FAM76B: variants seen among roughly 807,000 people sequenced by gnomAD.
FAM76B encodes the protein family with sequence similarity 76 member B.
A neutral mutation model predicts 51.8 loss-of-function variants in FAM76B; 16 were observed. That is an observed-to-expected ratio of 0.31 (90% CI 0.21 to 0.47). The LOEUF (loss-of-function observed/expected upper bound fraction) is 0.47. Among genes scored for constraint, FAM76B ranks in the 20% least tolerant of loss-of-function variants. The pLI, the probability that FAM76B is intolerant of heterozygous loss-of-function variation, is 1.00. For synonymous variants in FAM76B, 166 were observed against 129.5 expected (o/e 1.28, Z -1.91); for missense variants, 342 against 392.6 (o/e 0.87, Z 1.09).
Position 95,778,806 on chromosome 11 carries a change from T to C in FAM76B, c.828+16A>G, listed in dbSNP as rs1860123698. On this transcript the variant is annotated intron_variant, in intron 8 of 9. Coordinates refer to ENST00000358780, the MANE Select transcript of FAM76B (RefSeq NM_144664.5). The stretch of plus-strand genomic sequence containing the variant: ...ACACATAACTCTTACCAGGCTTCAA[T>C]GAACCATGTTCTTACCTTTTTATCT... 1 of 1,582,042 alleles carries C rather than the reference T, an allele frequency of 6.3e-7. No individual in the cohort carries two copies. The highest frequency in any genetic ancestry group is 8.6e-7 in the Non-Finnish European group (1 of 1,168,940).
intron 9 of FAM76B, among the ~76,000 whole-genome samples, chr11:95,775,080 T>C (rs1859936856): frequency 6.6e-6 from 1 of 151,350 alleles, no homozygotes; most frequent in African/African-American, 2.4e-5. Context: ...GTCTGACGTC[T>C]GTGTGCTGCC....
rs913827693 is a variant in FAM76B, at chr11:95,769,174, G to C, written c.*2387C>G. On this transcript the variant is annotated 3_prime_UTR_variant, in exon 10 of 10. Transcript: ENST00000358780. ...ACTTGAGTCAAAATGACCCTTACTGGTAAATGCTAATTAATAGTGGAAAAC... is the reference window on the plus strand; with the variant it reads ...ACTTGAGTCAAAATGACCCTTACTGCTAAATGCTAATTAATAGTGGAAAAC... The C allele has an allele frequency of 1.6e-4, 24 of 152,344 alleles. No homozygotes were observed. Among genetic ancestry groups the C allele is most frequent in the African/African-American group, 5.8e-4 (24 of 41,474 alleles). The allele number at this position is 152,344 out of a possible 1,614,324, so 9.4% of individuals were successfully genotyped here.
chr11:95,781,960 C>A (rs1221015732), intron 5 of FAM76B, among the ~76,000 whole-genome samples: 1 of 152,040 alleles, frequency 6.6e-6, no homozygotes, highest in Non-Finnish European at 1.5e-5. Context: ...TGCATGTGTT[C>A]CAAAATGAGG....
chr11:95,785,317 T>C (rs1312067664), intron 4 of FAM76B, among the ~76,000 whole-genome samples: 1 of 152,220 alleles, frequency 6.6e-6, no homozygotes, highest in Non-Finnish European at 1.5e-5. Flanking sequence ...ATGGATAAGG[T>C]GGGTACTACC....
chr11:95,783,219 T>G lies in FAM76B; in HGVS notation c.409A>C (p.Arg137=), dbSNP rs780720176. The stretch of plus-strand genomic sequence containing the variant: ...TGTTCTTTCGTCTTCTGTAAAACTC[T>G]TTTGTACGATAAAGTACAGAGCCAG... ...LCWLCTLSYK[R]VLQKTKEQRK... Residue 137 remains arginine, a synonymous_variant, in exon 5 of 10, where the codon AGA becomes CGA. Transcript: ENST00000358780. 1.5e-5 allele frequency: 25 copies of G among 1,613,784 alleles called. No individual in the cohort carries two copies. The highest frequency in any genetic ancestry group is 2.0e-5 in the Non-Finnish European group (24 of 1,179,968).
At chr11:95,786,354 T>C (rs958608012) in intron 3 of FAM76B, 80 bp from the exon 4 acceptor site, 1 of 1,454,790 alleles carries the variant, frequency 6.9e-7, no homozygotes, top group Non-Finnish European at 9.1e-7. Context: ...TGTAGACATA[T>C]TTCTGGAATT....
chr11:95,775,024 A>C (rs1029430985), intron 9 of FAM76B, among the ~76,000 whole-genome samples: 1 of 151,282 alleles, frequency 6.6e-6, no homozygotes, highest in African/African-American at 2.4e-5. Flanking sequence ...AACAAAATGA[A>C]ACAGGACAGT....
intron 2 of FAM76B, 71 bp downstream of exon 2, chr11:95,788,428 A>T: frequency 8.1e-7 from 1 of 1,239,684 alleles, no homozygotes; most frequent in Non-Finnish European, 1.2e-6. Context: ...AAAACATGGG[A>T]TTACAACCCC....
chr11:95,787,252 G>C (rs528676170), intron 3 of FAM76B, among the ~76,000 whole-genome samples: 3 of 148,664 alleles, frequency 2.0e-5, no homozygotes, highest in Non-Finnish European at 4.5e-5. Flanking sequence ...TTTTTTTTTC[G>C]AGACGCAGTC....
At chr11:95,773,094 A>C (rs1003030791) in intron 9 of FAM76B, among the ~76,000 whole-genome samples, 2 of 149,392 alleles carry the variant, frequency 1.3e-5, no homozygotes, top group Non-Finnish European at 3.0e-5. Flanking sequence ...ATACTGATAC[A>C]AAATAGTTAA....
chr11:95,786,454 C>A, intron 3 of FAM76B, 180 bp from the exon 4 acceptor site: 1 of 553,042 alleles, frequency 1.8e-6, no homozygotes, highest in Non-Finnish European at 3.1e-6. Flanking sequence ...ATGCATTCAA[C>A]TAGTATTTAT....
In FAM76B at chr11:95,780,740, C is replaced by T. The variant is rs147099538; in HGVS notation, c.564-814G>A. ...AGATGTTAGAATACCTGAGCTGTGA[C>T]CTTATGCAAATTACTTAACATCCCC... On this transcript the variant is annotated intron_variant, in intron 5 of 9. Coordinates refer to ENST00000358780, the MANE Select transcript of FAM76B (RefSeq NM_144664.5). 2.4e-3 allele frequency among the ~76,000 whole-genome samples: 366 copies of T among 152,078 alleles called. 1 individual carries two copies. The highest frequency in any genetic ancestry group is 7.8e-3 in the African/African-American group (322 of 41,518).
In FAM76B at chr11:95,786,144, T is replaced by C; in HGVS notation, c.338A>G (p.Asp113Gly). 1 of 1,611,756 alleles carries C rather than the reference T, an allele frequency of 6.2e-7. No individual in the cohort carries two copies. The highest frequency in any genetic ancestry group is 8.5e-7 in the Non-Finnish European group (1 of 1,178,784). ...CEQCKQQCAF[D>G]RKEEGRRKVD... ...CTTTCTTCTTCCTTCCTCCTTCCGA[T>C]CAAAAGCACATTGCTGTTTGCACTG... is the stretch of plus-strand genomic sequence containing the variant. The change falls in exon 4 of 10, where the codon GAT (aspartate) becomes GGT (glycine). Residue 113 changes from aspartate (D) to glycine (G), a missense_variant. Around this residue, in one of 3 missense-constraint regions of FAM76B, gnomAD observed 230 missense variants for 257.4 expected, o/e 0.89. Transcript: ENST00000358780.
At chr11:95,787,795 G>T in intron 2 of FAM76B, 117 bp from the exon 3 acceptor site, 2 of 794,808 alleles carry the variant, frequency 2.5e-6, no homozygotes, top group South Asian at 1.8e-5. Flanking sequence ...AAGGACCACG[G>T]ATTTTTTTCA....
chr11:95,776,337 T>C (rs1830058969), intron 8 of FAM76B, among the ~76,000 whole-genome samples: 1 of 151,392 alleles, frequency 6.6e-6, no homozygotes, highest in Non-Finnish European at 1.5e-5. Context: ...TAACGGCTAA[T>C]AACTGGGAAA....
chr11:95,785,907 G>C (rs570241060), intron 4 of FAM76B, among the ~76,000 whole-genome samples: 2 of 152,148 alleles, frequency 1.3e-5, no homozygotes, highest in African/African-American at 2.4e-5. Flanking sequence ...GTACAGAATA[G>C]CCACCATAGA....
rs531953454 is a variant in FAM76B at position 95,789,638 on chromosome 11, A to G, written c.-160T>C. 3.4e-4 allele frequency: 189 copies of G among 555,134 alleles called. No individual in the cohort carries two copies. The highest frequency in any genetic ancestry group is 3.3e-3 in the African/African-American group (165 of 49,412). The allele number at this position is 555,134 out of a possible 1,614,324, so 34.4% of individuals were successfully genotyped here. A position where few individuals can be genotyped will look rare whatever the true frequency, so the allele number is the denominator to read the frequency against. On this transcript the variant is annotated 5_prime_UTR_variant, in exon 1 of 10. Coordinates refer to ENST00000358780, the MANE Select transcript of FAM76B (RefSeq NM_144664.5). ...GCCGCGAGAGCCCAGGGCCCCGCGGACGACGCCACCGTCTCCCTCCGCCTC... is the reference window on the plus strand; with the variant it reads ...GCCGCGAGAGCCCAGGGCCCCGCGGGCGACGCCACCGTCTCCCTCCGCCTC...
chr11:95,784,553 AGTGT>A (rs1379587936), intron 4 of FAM76B, among the ~76,000 whole-genome samples: 3 of 148,602 alleles, frequency 2.0e-5, no homozygotes, highest in Admixed American at 6.7e-5. Context: ...ATTAATCGAC[AGTGT>A]GTGTGTGTAT....
chr11:95,781,391 CATCAA>C (rs1464898412), intron 5 of FAM76B, among the ~76,000 whole-genome samples: 1 of 152,052 alleles, frequency 6.6e-6, no homozygotes, highest in African/African-American at 2.4e-5. Flanking sequence ...GGTCAACAGC[CATCAA>C]ATAGAAAATA....
Sources: allele counts gnomAD v4.1 joint callset (sites outside exome capture counted in the v4.1 genomes callset), GRCh38; gene constraint gnomAD v4.1.1; regional missense constraint gnomAD v4.1.1; transcripts MANE v1.5; gene names NCBI Gene and HGNC (gene_info 2026-07-23, HGNC 2026-07-21).